Variants in DMD observed in about 807,000 individuals in gnomAD.
DMD encodes dystrophin.
In DMD, 63 loss-of-function variants were observed where a neutral mutation model predicts 330.1. That is an observed-to-expected ratio of 0.19 (90% CI 0.16 to 0.24). DMD has a LOEUF of 0.24. DMD is among the 10% of genes least tolerant of loss of function. The pLI is 1.00. For missense variants in DMD, 3,344 were observed against 2,684.1 expected (o/e 1.25, Z -5.43); for synonymous variants, 1,223 against 959.8 (o/e 1.27, Z -5.07).
intron 5 of DMD, among the ~76,000 whole-genome samples, chrX:32,817,818 ATTT>A (rs754140543): frequency 1.4e-4 from 16 of 112,355 alleles, no homozygotes; most frequent in Non-Finnish European, 2.6e-4. Context: ...GTAAATGCAA[ATTT>A]TAGGATATAC....
At chrX:32,559,970 G>A (rs1300510879) in intron 16 of DMD, among the ~76,000 whole-genome samples, 5 of 110,971 alleles carry the variant, frequency 4.5e-5, no homozygotes, top group Admixed American at 2.9e-4. Context: ...CCATGTACAA[G>A]AAGAGGCAAA....
chrX:33,297,901 A>G (rs1026444751), intron 1 of DMD, among the ~76,000 whole-genome samples: 7 of 110,728 alleles, frequency 6.3e-5, no homozygotes, highest in African/African-American at 2.3e-4. Flanking sequence ...ACTGTAGTTA[A>G]TATTAATGTC....
chrX:31,304,854 G>A (rs775862371), intron 62 of DMD, among the ~76,000 whole-genome samples: 21 of 110,873 alleles, frequency 1.9e-4, no homozygotes, highest in Non-Finnish European at 3.8e-4. Flanking sequence ...TTGTCCTGAC[G>A]TCTTCCCCTA....
chrX:31,199,822 A>G (rs1294836107), intron 67 of DMD, among the ~76,000 whole-genome samples: 2 of 112,514 alleles, frequency 1.8e-5, no homozygotes, highest in East Asian at 5.5e-4. Flanking sequence ...TGGTAGAAAT[A>G]GCAGCCTTTG....
chrX:32,012,241 G>A (rs142244623), intron 44 of DMD, among the ~76,000 whole-genome samples: 56 of 112,187 alleles, frequency 5.0e-4, no homozygotes, highest in Non-Finnish European at 9.4e-4. Context: ...AGGGATTATT[G>A]TAAGGTTTGA....
intron 43 of DMD, among the ~76,000 whole-genome samples, chrX:32,261,008 G>A (rs2097320900): frequency 9.0e-6 from 1 of 111,242 alleles, no homozygotes; most frequent in Middle Eastern, 4.2e-3. Context: ...AAAATCAAAT[G>A]CCTTCAGGGG....
At chrX:32,885,792 C>T (rs1346055008) in intron 2 of DMD, among the ~76,000 whole-genome samples, 4 of 95,447 alleles carry the variant, frequency 4.2e-5, no homozygotes, top group Non-Finnish European at 8.2e-5. Flanking sequence ...ATATTAAATG[C>T]CTGGGCAGTC....
chrX:31,263,460 G>A (rs1336439525), intron 62 of DMD, among the ~76,000 whole-genome samples: 2 of 111,878 alleles, frequency 1.8e-5, no homozygotes, highest in African/African-American at 6.5e-5. Flanking sequence ...AAGGGTTTTA[G>A]AAATTATTTT....
rs765216960 is a variant in DMD at position 31,982,088 on chromosome X, T to C, written c.6439-13574A>G. Among the ~76,000 whole-genome samples, 3 of 112,568 alleles carry C rather than the reference T, an allele frequency of 2.7e-5. No homozygotes were observed. The East Asian group carries it at 8.4e-4, about 31-fold the overall frequency. On this transcript the variant is annotated intron_variant, in intron 44 of 78. Transcript: ENST00000357033. ...TTGGGTTTGTATGACAACTCGTTCTTACACCAGACATGTGTGCCTGTGTTT... is the reference window on the plus strand; with the variant it reads ...TTGGGTTTGTATGACAACTCGTTCTCACACCAGACATGTGTGCCTGTGTTT...
chrX:31,904,042 C>A (rs2094451405), intron 47 of DMD, among the ~76,000 whole-genome samples: 1 of 111,322 alleles, frequency 9.0e-6, no homozygotes, highest in Non-Finnish European at 1.9e-5. Flanking sequence ...ACATATGAAT[C>A]ATCTGTATTT....
intron 43 of DMD, among the ~76,000 whole-genome samples, chrX:32,268,606 T>C (rs767185016): frequency 9.0e-6 from 1 of 111,397 alleles, no homozygotes; most frequent in Admixed American, 9.5e-5. Flanking sequence ...CCAAAGAAAC[T>C]ATTTGAACTC....
chrX:32,717,365 G>A (rs1354410999), intron 7 of DMD, among the ~76,000 whole-genome samples: 1 of 111,322 alleles, frequency 9.0e-6, no homozygotes, highest in Non-Finnish European at 1.9e-5. Flanking sequence ...GGCCCCAGAT[G>A]TGTCTTGGGG....
chrX:33,206,384 G>A (rs2051573344), intron 1 of DMD, among the ~76,000 whole-genome samples: 2 of 111,578 alleles, frequency 1.8e-5, no homozygotes, highest in South Asian at 3.7e-4. Context: ...CATTTTATCA[G>A]CATGGCAAGG....
intron 1 of DMD, among the ~76,000 whole-genome samples, chrX:33,110,101 G>A (rs1569555139): frequency 9.0e-6 from 1 of 111,146 alleles, no homozygotes; most frequent in Admixed American, 9.7e-5. Flanking sequence ...TCTCTCACAT[G>A]TTACCACTAG....
At chrX:32,557,954 A>T (rs2050511016) in intron 16 of DMD, among the ~76,000 whole-genome samples, 1 of 110,044 alleles carries the variant, frequency 9.1e-6, no homozygotes, top group South Asian at 3.7e-4. Context: ...TAATAATTTA[A>T]TTTATATTAA....
intron 59 of DMD, among the ~76,000 whole-genome samples, chrX:31,446,066 G>A (rs965158207): frequency 1.8e-5 from 2 of 111,675 alleles, no homozygotes; most frequent in Non-Finnish European, 3.8e-5. Flanking sequence ...TCATTTATAA[G>A]CCTTGCATTT....
intron 55 of DMD, among the ~76,000 whole-genome samples, chrX:31,581,960 G>C (rs1028182832): frequency 3.6e-5 from 4 of 111,534 alleles, no homozygotes; most frequent in Non-Finnish European, 7.5e-5. Flanking sequence ...TTACATACTT[G>C]TATACCAGTG....
chrX:31,242,331 C>T (rs1259173674), intron 63 of DMD, among the ~76,000 whole-genome samples: 1 of 102,869 alleles, frequency 9.7e-6, no homozygotes, highest in Non-Finnish European at 2.0e-5. Flanking sequence ...TTCACTGACT[C>T]GCAAACAAGC....
intron 74 of DMD, among the ~76,000 whole-genome samples, chrX:31,153,762 A>C (rs1322924867): frequency 8.9e-6 from 1 of 112,218 alleles, no homozygotes; most frequent in Non-Finnish European, 1.9e-5. Flanking sequence ...AACATATGAC[A>C]TACAGAAACC....
Sources: gnomAD v4.1 joint callset for allele counts (sites outside exome capture counted in the v4.1 genomes callset) on GRCh38, gnomAD v4.1.1 for gene constraint, MANE v1.5 for transcripts, NCBI Gene and HGNC (gene_info 2026-07-23, HGNC 2026-07-21) for gene names.